Variants in ARID4B observed in about 807,000 individuals in gnomAD.
The protein encoded by ARID4B is AT-rich interactive domain-containing protein 4B.
A neutral mutation model predicts 147.5 loss-of-function variants in ARID4B; 26 were observed. The observed-to-expected ratio is 0.18, with a 90% CI of 0.13 to 0.24. The LOEUF is 0.24. Ranked by LOEUF, ARID4B falls within the 10% of genes least tolerant of loss-of-function variation. The pLI, the probability that ARID4B is intolerant of heterozygous loss-of-function variation, is 1.00. For missense variants in ARID4B, 1,179 were observed against 1,511.5 expected (o/e 0.78, Z 3.65); for synonymous variants, 512 against 507.9 (o/e 1.01, Z -0.11).
At chr1:235,226,618 T>A (rs547969732) in intron 11 of ARID4B, among the ~76,000 whole-genome samples, 8 of 151,948 alleles carry the variant, frequency 5.3e-5, no homozygotes, top group African/African-American at 1.9e-4. Flanking sequence ...GCCTCCCGGG[T>A]TGACACCATT....
intron 11 of ARID4B, among the ~76,000 whole-genome samples, chr1:235,224,977 A>T (rs1419290006): frequency 6.6e-6 from 1 of 152,224 alleles, no homozygotes; most frequent in Non-Finnish European, 1.5e-5. Context: ...AATATGCCTT[A>T]AAAAGTATCC....
intron 18 of ARID4B, 54 bp from the exon 19 acceptor site, chr1:235,194,265 CAATGTT>C (rs1665335032): frequency 2.3e-6 from 3 of 1,287,114 alleles, no homozygotes; most frequent in African/African-American, 1.5e-5. Context: ...TTATCAGAAA[CAATGTT>C]AATGTCCACT....
At chr1:235,230,691 G>C (rs1668160629) in intron 10 of ARID4B, among the ~76,000 whole-genome samples, 1 of 151,634 alleles carries the variant, frequency 6.6e-6, no homozygotes, top group African/African-American at 2.4e-5. Flanking sequence ...GGAGGCTGAG[G>C]CAGGTGGACT....
At chr1:235,205,592 G>A (rs1355928750) in intron 17 of ARID4B, among the ~76,000 whole-genome samples, 2 of 152,144 alleles carry the variant, frequency 1.3e-5, no homozygotes. Flanking sequence ...AACATCAAAA[G>A]CAGAGGCAAC....
chr1:235,260,541 T>C (rs978416744), intron 3 of ARID4B, 101 bp downstream of exon 3: 51 of 811,530 alleles, frequency 6.3e-5, no homozygotes, highest in Admixed American at 2.4e-4. Context: ...CCTTCACTCC[T>C]AGAAACTTAT....
At chr1:235,306,360 A>G (rs1673559113) in intron 2 of ARID4B, among the ~76,000 whole-genome samples, 1 of 151,972 alleles carries the variant, frequency 6.6e-6, no homozygotes, top group African/African-American at 2.4e-5. Context: ...AAAATTAGCC[A>G]GGCGTGGTGG....
chr1:235,211,263 G>A (rs758745736), intron 17 of ARID4B, among the ~76,000 whole-genome samples: 2 of 152,122 alleles, frequency 1.3e-5, no homozygotes, highest in Non-Finnish European at 2.9e-5. Flanking sequence ...CCCGGGAGGC[G>A]GAGGCTGCGG....
intron 2 of ARID4B, among the ~76,000 whole-genome samples, chr1:235,309,003 C>T (rs1205146703): frequency 1.4e-5 from 2 of 143,584 alleles, no homozygotes; most frequent in South Asian, 2.1e-4. Context: ...CGTCTCTGCC[C>T]GGCCGCCATC....
In ARID4B at chr1:235,229,259, T is replaced by C; in HGVS notation, c.869A>G (p.Glu290Gly). ...EEEEEEDDEK[E>G]KEDNSSEEEE... The stretch of plus-strand genomic sequence containing the variant: ...TTCTTCACTGCTATTATCCTCCTTT[T>C]CTTTTTCATCATCTTCCTCCTCCTC... The change falls in exon 11 of 24, where the codon GAA becomes GGA. Residue 290 changes from glutamate (E) to glycine (G), a missense_variant. Physicochemically the swap from Glu to Gly is moderately conservative, Grantham distance 98. Coordinates refer to ENST00000264183, the MANE Select transcript of ARID4B (RefSeq NM_016374.6). The C allele has an allele frequency of 6.2e-7, 1 of 1,612,228 alleles. No individual in the cohort carries two copies. The highest frequency in any genetic ancestry group is 8.5e-7 in the Non-Finnish European group (1 of 1,178,744).
chr1:235,288,750 A>G (rs1192439390), intron 2 of ARID4B, among the ~76,000 whole-genome samples: 1 of 152,214 alleles, frequency 6.6e-6, no homozygotes, highest in Non-Finnish European at 1.5e-5. Flanking sequence ...GAGCACAAAG[A>G]ACATGAACAT....
chr1:235,259,621 C>A (rs1285444516), intron 3 of ARID4B, among the ~76,000 whole-genome samples: 3 of 152,184 alleles, frequency 2.0e-5, no homozygotes, highest in Non-Finnish European at 4.4e-5. Flanking sequence ...CACCAACCAC[C>A]AAGCATGTGG....
chr1:235,320,084 G>A (rs1050321619), intron 2 of ARID4B, among the ~76,000 whole-genome samples: 2 of 149,706 alleles, frequency 1.3e-5, no homozygotes, highest in Non-Finnish European at 3.0e-5. Flanking sequence ...CCGAGATCGT[G>A]CCATTGCACT....
chr1:235,198,865 T>G (rs922507484), intron 17 of ARID4B, among the ~76,000 whole-genome samples: 1 of 152,176 alleles, frequency 6.6e-6, no homozygotes, highest in Non-Finnish European at 1.5e-5. Context: ...TTTGGAAGGC[T>G]GAGGTGGACA....
At chr1:235,287,856 G>A (rs543281027) in intron 2 of ARID4B, among the ~76,000 whole-genome samples, 2 of 152,228 alleles carry the variant, frequency 1.3e-5, no homozygotes, top group South Asian at 2.1e-4. Context: ...CACATCCCTC[G>A]GGGACATAAC....
At chr1:235,172,422 T>C (rs1478462631) in intron 23 of ARID4B, among the ~76,000 whole-genome samples, 196 bp downstream of exon 23, 1 of 151,902 alleles carries the variant, frequency 6.6e-6, no homozygotes, top group Non-Finnish European at 1.5e-5. Context: ...ACCTAAAAAA[T>C]ACAAAATTAG....
intron 2 of ARID4B, among the ~76,000 whole-genome samples, chr1:235,262,172 AG>A (rs1383313358): frequency 2.6e-5 from 4 of 152,198 alleles, no homozygotes; most frequent in Non-Finnish European, 4.4e-5. Context: ...AATTTCATTT[AG>A]ATTTTAAAAT....
intron 20 of ARID4B, chr1:235,181,370 T>C: frequency 4.2e-6 from 3 of 720,210 alleles, no homozygotes; most frequent in South Asian, 4.1e-5. Flanking sequence ...TAAAATGCCA[T>C]GGATGGCTCA....
intron 2 of ARID4B, among the ~76,000 whole-genome samples, chr1:235,298,320 T>C (rs993667015): frequency 1.3e-5 from 2 of 152,094 alleles, no homozygotes; most frequent in Non-Finnish European, 2.9e-5. Flanking sequence ...AGCATGTTTG[T>C]TACCATGAAG....
At chr1:235,239,705 T>C (rs1342595458) in intron 8 of ARID4B, among the ~76,000 whole-genome samples, 3 of 152,146 alleles carry the variant, frequency 2.0e-5, no homozygotes, top group African/African-American at 7.2e-5. Context: ...TGATAATAAA[T>C]CTTGAGTACC....
Sources: allele counts gnomAD v4.1 joint callset (sites outside exome capture counted in the v4.1 genomes callset), GRCh38; gene constraint gnomAD v4.1.1; transcripts MANE v1.5; gene names NCBI Gene and HGNC (gene_info 2026-07-23, HGNC 2026-07-21).